GMDS: variants seen among roughly 807,000 people sequenced by gnomAD.
The protein encoded by GMDS is GDP-mannose 4,6 dehydratase.
In GMDS, 20 loss-of-function variants were observed where a neutral mutation model predicts 49.9. That is an observed-to-expected ratio of 0.40 (90% CI 0.28 to 0.58). The LOEUF is 0.58. GMDS is among the 20% of genes least tolerant of loss of function. GMDS has a pLI of 0.42. For synonymous variants in GMDS, 177 were observed against 178.6 expected (o/e 0.99, Z 0.07); for missense variants, 362 against 481.4 (o/e 0.75, Z 2.32).
At chr6:1,935,763 G>A (rs1415280107) in intron 6 of GMDS, among the ~76,000 whole-genome samples, 1 of 152,212 alleles carries the variant, frequency 6.6e-6, no homozygotes, top group Non-Finnish European at 1.5e-5. Context: ...GTTGGATTGA[G>A]ATAATGAGTT....
At chr6:2,116,543 C>A (rs1774860428) in intron 3 of GMDS, among the ~76,000 whole-genome samples, 1 of 152,152 alleles carries the variant, frequency 6.6e-6, no homozygotes, top group African/African-American at 2.4e-5. Flanking sequence ...GAACTTTGCA[C>A]AAAAACAATA....
At chr6:2,217,968 G>A (rs1780415202) in intron 1 of GMDS, among the ~76,000 whole-genome samples, 1 of 152,204 alleles carries the variant, frequency 6.6e-6, no homozygotes, top group Non-Finnish European at 1.5e-5. Context: ...TATTCTGCCA[G>A]TGTCTAAAGG....
intron 1 of GMDS, among the ~76,000 whole-genome samples, chr6:2,243,086 C>T (rs1781690751): frequency 6.6e-6 from 1 of 152,128 alleles, no homozygotes; most frequent in South Asian, 2.1e-4. Context: ...AATGAGGAGA[C>T]AATGCAGAGG....
chr6:1,933,052 T>C (rs1762370028), intron 6 of GMDS, among the ~76,000 whole-genome samples: 1 of 152,196 alleles, frequency 6.6e-6, no homozygotes, highest in Admixed American at 6.5e-5. Context: ...CCTAGTACCC[T>C]AGCCCTGGCA....
At chr6:1,990,387 T>C (rs968414256) in intron 4 of GMDS, among the ~76,000 whole-genome samples, 1 of 152,222 alleles carries the variant, frequency 6.6e-6, no homozygotes, top group Admixed American at 6.5e-5. Flanking sequence ...CCTTCCACTG[T>C]GACCTCTTAA....
At chr6:1,877,554 C>T (rs904871783) in intron 7 of GMDS, among the ~76,000 whole-genome samples, 5 of 149,176 alleles carry the variant, frequency 3.4e-5, no homozygotes, top group African/African-American at 1.2e-4. Context: ...GGGAGGATCA[C>T]TTGAGCCCAG....
intron 4 of GMDS, among the ~76,000 whole-genome samples, chr6:1,987,651 G>C (rs935947779): frequency 1.2e-4 from 19 of 152,108 alleles, no homozygotes; most frequent in Admixed American, 1.1e-3. Flanking sequence ...AAGAACTATG[G>C]GGGAAAAAAG....
At chr6:1,642,988 G>A (rs1291014579) in intron 9 of GMDS, among the ~76,000 whole-genome samples, 3 of 152,192 alleles carry the variant, frequency 2.0e-5, no homozygotes, top group African/African-American at 4.8e-5. Context: ...TCTTAGCAGA[G>A]TTAACACAAC....
chr6:1,773,452 A>G (rs1266145273), intron 7 of GMDS, among the ~76,000 whole-genome samples: 2 of 152,012 alleles, frequency 1.3e-5, no homozygotes, highest in Non-Finnish European at 1.5e-5. Flanking sequence ...ATCGTTTCAC[A>G]AAGTGGTTGG....
chr6:1,975,455 A>G (rs578255988), intron 4 of GMDS, among the ~76,000 whole-genome samples: 1 of 152,308 alleles, frequency 6.6e-6, no homozygotes, highest in Admixed American at 6.5e-5. Flanking sequence ...ACCCCACTAT[A>G]ATCAGGAAAC....
chr6:2,212,165 G>T (rs901379323), intron 1 of GMDS, among the ~76,000 whole-genome samples: 19 of 152,300 alleles, frequency 1.2e-4, no homozygotes, highest in African/African-American at 4.6e-4. Flanking sequence ...ATAAAGAAAA[G>T]TTATACTACT....
At chr6:1,876,806 TCTAGTAAAAAATAAGA>T (rs1367683054) in intron 7 of GMDS, among the ~76,000 whole-genome samples, 4 of 152,256 alleles carry the variant, frequency 2.6e-5, no homozygotes, top group Non-Finnish European at 5.9e-5. Flanking sequence ...CTTTTTGATT[TCTAGTAAAAAATAAGA>T]CAATTAATTC....
chr6:2,016,616 A>G (rs1168666342), intron 4 of GMDS, among the ~76,000 whole-genome samples: 1 of 152,222 alleles, frequency 6.6e-6, no homozygotes, highest in African/African-American at 2.4e-5. Context: ...CACTATATCT[A>G]AGAGCAGATG....
intron 4 of GMDS, among the ~76,000 whole-genome samples, chr6:1,986,817 C>G (rs1765577075): frequency 6.6e-6 from 1 of 152,146 alleles, no homozygotes; most frequent in African/African-American, 2.4e-5. Flanking sequence ...GGATAATCTC[C>G]AGCCCATTAT....
chr6:1,770,003 G>C (rs1768515026), intron 7 of GMDS, among the ~76,000 whole-genome samples: 3 of 152,188 alleles, frequency 2.0e-5, no homozygotes, highest in South Asian at 4.1e-4. Context: ...TGGGATTACA[G>C]GTGTGAGCCA....
At chr6:2,237,777 C>A (rs1435856753) in intron 1 of GMDS, among the ~76,000 whole-genome samples, 1 of 152,100 alleles carries the variant, frequency 6.6e-6, no homozygotes, top group Non-Finnish European at 1.5e-5. Context: ...CCACCTTGGC[C>A]TCCCAAAGTG....
intron 4 of GMDS, among the ~76,000 whole-genome samples, chr6:1,970,282 T>C (rs565570118): frequency 6.6e-6 from 1 of 152,356 alleles, no homozygotes; most frequent in African/African-American, 2.4e-5. Context: ...ACTGCTTCTC[T>C]GTAAGTGAAA....
At chr6:2,002,072 T>C (rs1361985326) in intron 4 of GMDS, among the ~76,000 whole-genome samples, 1 of 152,206 alleles carries the variant, frequency 6.6e-6, no homozygotes, top group South Asian at 2.1e-4. Context: ...ATAATCACAA[T>C]TGTTTAATAT....
chr6:2,190,576 A>G (rs984449048), intron 1 of GMDS, among the ~76,000 whole-genome samples: 1 of 152,190 alleles, frequency 6.6e-6, no homozygotes, highest in Non-Finnish European at 1.5e-5. Flanking sequence ...GGCTGCCACA[A>G]TTTGGGAGAG....
Sources: gnomAD v4.1 joint callset for allele counts (sites outside exome capture counted in the v4.1 genomes callset) on GRCh38, gnomAD v4.1.1 for gene constraint, MANE v1.5 for transcripts, NCBI Gene and HGNC (gene_info 2026-07-23, HGNC 2026-07-21) for gene names.